The following TMEM214 variants were observed in gnomAD, a reference collection of about 807,000 sequenced individuals.
TMEM214 encodes transmembrane protein 214.
Under a neutral mutation model 89.8 loss-of-function variants are expected in TMEM214, and 71 were observed. That is an observed-to-expected ratio of 0.79 (90% CI 0.65 to 0.96). The LOEUF (loss-of-function observed/expected upper bound fraction) is 0.96. TMEM214 is among the 40% of genes least tolerant of loss of function. TMEM214 has a pLI of 0.00. For synonymous variants in TMEM214, 332 were observed against 349.5 expected (o/e 0.95, Z 0.56); for missense variants, 754 against 843.4 (o/e 0.89, Z 1.31).
chr2:27,040,206 A>C lies in TMEM214; in HGVS notation c.1791+8A>C, dbSNP rs769487579. 1.5e-5 allele frequency: 24 copies of C among 1,605,114 alleles called. No homozygotes were observed. The highest frequency in any genetic ancestry group is 1.7e-5 in the Non-Finnish European group (20 of 1,179,568). ...ACCAGTCTCTCTCAGAGGGTAAGTC[A>C]GAGACAGGGAGTCAAATAAGGGGCT... is the stretch of plus-strand genomic sequence containing the variant. On this transcript the variant is annotated splice_region_variant and intron_variant, in intron 15 of 16. Transcript: ENST00000238788.
In TMEM214 at chr2:27,040,105, G is replaced by A. The variant is rs1558401229; in HGVS notation, c.1698G>A (p.Trp566Ter). 2 of 1,609,360 alleles carry A rather than the reference G, an allele frequency of 1.2e-6. No individual in the cohort carries two copies. Among genetic ancestry groups the A allele is most frequent in the East Asian group, 2.2e-5 (1 of 44,874 alleles). ...TGCGGCCCAGCTTGCAGCTGGCCTG[G>A]GCTCACACCAATGCCACAGTCAGCT... The part of the protein sequence containing the change: ...TVVRPSLQLA[W>*]AHTNATVSFL... Residue 566 changes from tryptophan to a stop codon, truncating the protein, a stop_gained, in exon 15 of 17, where the codon TGG (tryptophan) becomes TGA (stop). Transcript: ENST00000238788. LOFTEE classifies it high-confidence loss of function.
At chr2:27,039,518 C>T (rs573347830) in intron 13 of TMEM214, 1 of 605,432 alleles carries the variant, frequency 1.7e-6, no homozygotes, top group African/African-American at 1.8e-5. Flanking sequence ...AAGCCTGAGC[C>T]TAGGCTCCAA....
chr2:27,039,921 C>G lies in TMEM214; in HGVS notation c.1622+84C>G, dbSNP rs1329936976. The G allele has an allele frequency of 2.8e-5, 44 of 1,596,744 alleles. No individual in the cohort carries two copies. In the Middle Eastern group the frequency reaches 9.9e-4, roughly 36 times the overall value. On this transcript the variant is annotated intron_variant, in intron 14 of 16. Transcript: ENST00000238788. The stretch of plus-strand genomic sequence containing the variant: ...GGAGGAGGCGACAGTCAGTGGGAAG[C>G]GCTTGTGATTCTCCTTTCCCACGGC...
Position 27,038,289 on chromosome 2 carries a change from C to A in TMEM214, c.1244+52C>A. The A allele has an allele frequency of 1.9e-6, 3 of 1,594,568 alleles. No individual in the cohort carries two copies. The highest frequency in any genetic ancestry group is 1.7e-6 in the Non-Finnish European group (2 of 1,163,630). On this transcript the variant is annotated intron_variant, in intron 10 of 16. Transcript: ENST00000238788. This position sits in a 1 kb window ranked among gnomAD's most constrained non-coding sequence, Gnocchi z 4.4. Reference sequence around the variant, plus strand: ...CCCTGTGCTAGAAGCAGAAGGGGAGCCTGGGTCACTGTCCCATGGCCTGAC... The same window carrying A: ...CCCTGTGCTAGAAGCAGAAGGGGAGACTGGGTCACTGTCCCATGGCCTGAC...
Position 27,036,793 on chromosome 2 carries a change from A to T in TMEM214, c.908+7A>T. On this transcript the variant is annotated splice_region_variant and intron_variant, in intron 7 of 16. Transcript: ENST00000238788. ...ACCTGGATCGGCTGCTCCTGTGAGT[A>T]ATGGGAGGGCAGCAAGGGGAAGGCT... is the stretch of plus-strand genomic sequence containing the variant. 6.2e-7 allele frequency: 1 copy of T among 1,613,896 alleles called. No homozygotes were observed. Among genetic ancestry groups the T allele is most frequent in the Non-Finnish European group, 8.5e-7 (1 of 1,179,912 alleles).
In TMEM214 at chr2:27,041,105, C is replaced by T; in HGVS notation, c.*268C>T. On this transcript the variant is annotated 3_prime_UTR_variant, in exon 17 of 17. Transcript: ENST00000238788. ...GCCTCCATCCTTGTGCTGGTAGCCT[C>T]TCACAACTCCGCCCTTGCCCTCTGC... The T allele has an allele frequency of 2.4e-6, 1 of 420,220 alleles. No homozygotes were observed. Among genetic ancestry groups the T allele is most frequent in the Non-Finnish European group, 4.4e-6 (1 of 229,606 alleles). 26.0% of individuals were successfully genotyped at this position (420,220 alleles called of 1,614,324 possible).
chr2:27,032,965 G>C lies in TMEM214; in HGVS notation c.-51G>C. ...AGACGTGGCAGAGTGCGGCGCGCTC[G>C]CGCCGGACCGGAAAGCCGGGGAAGT... On this transcript the variant is annotated 5_prime_UTR_variant, in exon 1 of 17. Coordinates refer to ENST00000238788, the MANE Select transcript of TMEM214 (RefSeq NM_017727.5). 8.1e-7 allele frequency: 1 copy of C among 1,241,888 alleles called. No individual in the cohort carries two copies. The highest frequency in any genetic ancestry group is 1.0e-6 in the Non-Finnish European group (1 of 986,698). The allele number at this position is 1,241,888 out of a possible 1,614,324, so 76.9% of individuals were successfully genotyped here.
In TMEM214 at chr2:27,038,454, C is replaced by T. The variant is rs765333336; in HGVS notation, c.1245-30C>T. The T allele has an allele frequency of 3.7e-6, 6 of 1,613,226 alleles. No individual in the cohort carries two copies. The highest frequency in any genetic ancestry group is 1.3e-5 in the African/African-American group (1 of 74,912). On this transcript the variant is annotated intron_variant, in intron 10 of 16. Coordinates refer to ENST00000238788, the MANE Select transcript of TMEM214 (RefSeq NM_017727.5). The surrounding 1 kb of genome is among the most constrained non-coding windows in gnomAD (Gnocchi z 4.4). The stretch of plus-strand genomic sequence containing the variant: ...AGGATGGGTGAGGCTGCGCGAGCCA[C>T]CTGACTAGGGGGTTGTGCTTTCCCC...
At chr2:27,035,329 A>G in intron 3 of TMEM214, 44 bp downstream of exon 3, 1 of 1,612,764 alleles carries the variant, frequency 6.2e-7, no homozygotes, top group Non-Finnish European at 8.5e-7. Flanking sequence ...GTTCAAATAA[A>G]TTCAAAAAGG....
Position 27,035,412 on chromosome 2 carries a change from G to T in TMEM214, c.502+127G>T, listed in dbSNP as rs974336799. 2.7e-5 allele frequency: 39 copies of T among 1,439,044 alleles called. 1 individual carries two copies. Among genetic ancestry groups the T allele is most frequent in the Non-Finnish European group, 3.6e-5 (38 of 1,051,998 alleles). The allele number at this position is 1,439,044 out of a possible 1,614,324, so 89.1% of individuals were successfully genotyped here. Reference sequence around the variant, plus strand: ...TGATTTGGGCTGGTCTCAAATCATCGTGACTGTGAATGTTTCTGGGCCTCA... The same window carrying T: ...TGATTTGGGCTGGTCTCAAATCATCTTGACTGTGAATGTTTCTGGGCCTCA... On this transcript the variant is annotated intron_variant, in intron 3 of 16. Coordinates refer to ENST00000238788, the MANE Select transcript of TMEM214 (RefSeq NM_017727.5).
chr2:27,036,076 A>G, intron 5 of TMEM214, 24 bp downstream of exon 5: 2 of 1,611,632 alleles, frequency 1.2e-6, no homozygotes, highest in Non-Finnish European at 1.7e-6. Flanking sequence ...GATGGTGGGG[A>G]TGCTAGGAAG....
chr2:27,037,510 A>T, intron 8 of TMEM214, 51 bp from the exon 9 acceptor site: 1 of 1,612,658 alleles, frequency 6.2e-7, no homozygotes, highest in South Asian at 1.1e-5. Context: ...GGTTCATATC[A>T]TACAGCTCCA....
chr2:27,034,475 A>G (rs917130853), intron 2 of TMEM214: 2 of 585,028 alleles, frequency 3.4e-6, no homozygotes, highest in Non-Finnish European at 3.0e-6. Context: ...ATAGGGAAAC[A>G]TGGATTGGTA....
At chr2:27,035,051 AC>A in intron 2 of TMEM214, 83 bp from the exon 3 acceptor site, 1 of 1,537,952 alleles carries the variant, frequency 6.5e-7, no homozygotes, top group African/African-American at 1.4e-5. Context: ...ACCTAGTTCA[AC>A]CATTTTCCCA....
Position 27,040,797 on chromosome 2 carries a change from C to A in TMEM214, c.2030C>A (p.Ala677Asp), listed in dbSNP as rs1667805567. The part of the protein sequence containing the change: ...TWLCLQDITV[A>D]FLDWALALIS... Reference sequence around the variant, plus strand: ...CTTTGCCTACAGGACATTACAGTGGCTTTCTTGGACTGGGCACTTGCCCTG... The same window carrying A: ...CTTTGCCTACAGGACATTACAGTGGATTTCTTGGACTGGGCACTTGCCCTG... The change falls in exon 17 of 17, where the codon GCT (alanine) becomes GAT (aspartate). Residue 677 changes from alanine to aspartate, a missense_variant. Physicochemically the swap from Ala to Asp is moderately radical, Grantham distance 126 (BLOSUM62 -2). Coordinates refer to ENST00000238788, the MANE Select transcript of TMEM214 (RefSeq NM_017727.5). The A allele has an allele frequency of 6.2e-7, 1 of 1,614,200 alleles. No individual in the cohort carries two copies.
chr2:27,039,670 C>T (rs1667732558), intron 13 of TMEM214, 71 bp from the exon 14 acceptor site: 1 of 1,313,982 alleles, frequency 7.6e-7, no homozygotes, highest in Non-Finnish European at 1.1e-6. Context: ...CTGCTCTGGG[C>T]CCTGTAGTGT....
intron 7 of TMEM214, 91 bp downstream of exon 7, chr2:27,036,877 G>T (rs779374746): frequency 1.5e-6 from 2 of 1,369,402 alleles, no homozygotes; most frequent in Non-Finnish European, 1.0e-6. Flanking sequence ...GGTCTCCATG[G>T]ATATGAGGAA....
At position 27,033,156 on chromosome 2, in the gene TMEM214, C is replaced by G; in HGVS notation, c.141C>G (p.Tyr47Ter). ...GGGAAGCAAACGGAGTGTGGAAATACGACCTGACCCGTGAGTACCCGCCCT... is the reference window on the plus strand; with the variant it reads ...GGGAAGCAAACGGAGTGTGGAAATAGGACCTGACCCGTGAGTACCCGCCCT... ...ALGEANGVWK[Y>*]DLTPAIQTTS... The change falls in exon 1 of 17, where the codon TAC becomes TAG. Residue 47 changes from tyrosine (Y) to a stop codon, truncating the protein, a stop_gained. Transcript: ENST00000238788. LOFTEE classifies it high-confidence loss of function. 2 of 1,196,312 alleles carry G rather than the reference C, an allele frequency of 1.7e-6. No homozygotes were observed. Among genetic ancestry groups the G allele is most frequent in the Non-Finnish European group, 2.1e-6 (2 of 955,366 alleles). 74.1% of individuals were successfully genotyped at this position (1,196,312 alleles called of 1,614,324 possible).
Position 27,038,135 on chromosome 2 carries a change from G to C in TMEM214, c.1153-11G>C. ...GCCCCCAGCAGCCTCTCCCTCTGTC[G>C]TGCTGTGCAGCTCCTGAGCAGCCTG... On this transcript the variant is annotated splice_polypyrimidine_tract_variant and intron_variant, in intron 9 of 16. Transcript: ENST00000238788. This position sits in a 1 kb window ranked among gnomAD's most constrained non-coding sequence, Gnocchi z 4.4. The C allele has an allele frequency of 6.2e-7, 1 of 1,614,000 alleles. No individual in the cohort carries two copies. The highest frequency in any genetic ancestry group is 1.1e-5 in the South Asian group (1 of 91,084).
Sources: gnomAD v4.1 joint callset for allele counts on GRCh38, gnomAD v4.1.1 for gene constraint, Gnocchi (gnomAD v3.1) non-coding constraint, MANE v1.5 for transcripts, NCBI Gene and HGNC (gene_info 2026-07-23, HGNC 2026-07-21) for gene names.